RBFOX1: variants seen among roughly 807,000 people sequenced by gnomAD.
RBFOX1 encodes the protein RNA binding fox-1 homolog 1.
Under a neutral mutation model 57.7 loss-of-function variants are expected in RBFOX1, and 8 were observed. The observed-to-expected ratio is 0.14, with a 90% CI of 0.08 to 0.25. The LOEUF is 0.25. Among genes scored for constraint, RBFOX1 ranks in the 10% least tolerant of loss-of-function variants. RBFOX1 has a pLI of 1.00. For synonymous variants in RBFOX1, 326 were observed against 222.4 expected (o/e 1.47, Z -4.15); for missense variants, 611 against 548.5 (o/e 1.11, Z -1.14).
At chr16:5,240,230 C>A (rs1487256523) in intron 1 of RBFOX1, 37 of 727,464 alleles carry the variant, frequency 5.1e-5, no homozygotes, top group Non-Finnish European at 8.3e-5. Context: ...AGTGGCAACT[C>A]CGGCGGGCGC....
At chr16:6,586,490 G>C (rs2097621200) in intron 2 of RBFOX1, among the ~76,000 whole-genome samples, 2 of 152,248 alleles carry the variant, frequency 1.3e-5, no homozygotes, top group East Asian at 3.9e-4. Flanking sequence ...TGCCCAACTT[G>C]AATGGCCTTA....
chr16:5,297,111 G>T (rs933339390), intron 1 of RBFOX1, among the ~76,000 whole-genome samples: 2 of 152,142 alleles, frequency 1.3e-5, no homozygotes, highest in African/African-American at 4.8e-5. Flanking sequence ...CTTTTTAAAG[G>T]CTGAGTGGTA....
intron 4 of RBFOX1, among the ~76,000 whole-genome samples, chr16:7,191,461 G>C (rs932345306): frequency 6.6e-6 from 1 of 151,996 alleles, no homozygotes; most frequent in Non-Finnish European, 1.5e-5. Context: ...TTAATGAATT[G>C]ATCACAGTGG....
At chr16:5,763,615 C>T (rs1324586154) in intron 3 of RBFOX1, among the ~76,000 whole-genome samples, 3 of 152,226 alleles carry the variant, frequency 2.0e-5, no homozygotes, top group East Asian at 1.9e-4. Flanking sequence ...GGCAATCCGC[C>T]GGCCTCCTGA....
chr16:5,603,418 C>A (rs970495675), downstream of RBFOX1, among the ~76,000 whole-genome samples: 3 of 152,106 alleles, frequency 2.0e-5, no homozygotes, highest in Non-Finnish European at 4.4e-5. Flanking sequence ...AAATTCAGAC[C>A]CAGATTGGGC....
In RBFOX1 at chr16:5,632,299, C is replaced by T. The variant is rs116145417; in HGVS notation, c.318+33338C>T. Among the ~76,000 whole-genome samples, 894 of 152,326 alleles carry T rather than the reference C, an allele frequency of 5.9e-3. 10 individuals carry two copies. The highest frequency in any genetic ancestry group is 0.02 in the African/African-American group (830 of 41,578). Reference sequence around the variant, plus strand: ...ATGGGAGTTACACCTGCTGGGTTCCCAACCCACATCAATCTCTGTGTCCCT... The same window carrying T: ...ATGGGAGTTACACCTGCTGGGTTCCTAACCCACATCAATCTCTGTGTCCCT... On this transcript the variant is annotated intron_variant, in intron 3 of 19. Coordinates refer to the RBFOX1 transcript ENST00000641259.
At chr16:7,640,576 G>T (rs181625427) in intron 11 of RBFOX1, among the ~76,000 whole-genome samples, 3 of 152,304 alleles carry the variant, frequency 2.0e-5, no homozygotes, top group East Asian at 3.9e-4. Context: ...GTTGCCCTGG[G>T]ATTCCAATGC....
At chr16:6,304,840 A>G (rs929012716) in intron 1 of RBFOX1, among the ~76,000 whole-genome samples, 11 of 143,184 alleles carry the variant, frequency 7.7e-5, no homozygotes, top group Admixed American at 7.2e-4. Context: ...GCCACTGACT[A>G]TACTCCAGAC....
intron 3 of RBFOX1, among the ~76,000 whole-genome samples, chr16:6,730,525 ATCTG>A (rs1275620745): frequency 1.3e-5 from 2 of 152,120 alleles, no homozygotes; most frequent in African/African-American, 4.8e-5. Context: ...TGTCTACCTA[ATCTG>A]TCTATCAATC....
intron 3 of RBFOX1, among the ~76,000 whole-genome samples, chr16:5,758,309 CCT>C (rs1166963581): frequency 6.6e-6 from 1 of 152,280 alleles, no homozygotes; most frequent in African/African-American, 2.4e-5. Flanking sequence ...GCCATAGTTA[CCT>C]CTCGGCTCTA....
intron 3 of RBFOX1, among the ~76,000 whole-genome samples, chr16:5,650,454 G>C (rs1044920455): frequency 6.6e-6 from 1 of 152,138 alleles, no homozygotes; most frequent in Non-Finnish European, 1.5e-5. Flanking sequence ...CATTTTTAGA[G>C]ACAGAAATGG....
chr16:6,206,145 C>A lies in RBFOX1; in HGVS notation c.-126-110850C>A, dbSNP rs151297652. 3.3e-3 allele frequency among the ~76,000 whole-genome samples: 504 copies of A among 152,176 alleles called. 6 individuals are homozygous for A. Among genetic ancestry groups the A allele is most frequent in the Non-Finnish European group, 2.4e-3 (166 of 68,012 alleles). On this transcript the variant is annotated intron_variant, in intron 1 of 15. Transcript: ENST00000550418. ...GGTCAAATCTGACTCAGGAAGAAAA[C>A]TTCTTACTATGATTTGAGCCTCCTC...
intron 3 of RBFOX1, among the ~76,000 whole-genome samples, chr16:6,984,314 C>A (rs928703229): frequency 1.3e-5 from 2 of 152,090 alleles, no homozygotes; most frequent in African/African-American, 2.4e-5. Flanking sequence ...ATTTGACCAG[C>A]CCTTTGATCT....
At chr16:6,629,511 T>A (rs1280234192) in intron 2 of RBFOX1, among the ~76,000 whole-genome samples, 1 of 152,188 alleles carries the variant, frequency 6.6e-6, no homozygotes, top group Non-Finnish European at 1.5e-5. Context: ...AAAAAATGGG[T>A]TATACTTTCA....
At chr16:5,376,862 G>C (rs1467815996) in intron 1 of RBFOX1, among the ~76,000 whole-genome samples, 1 of 150,292 alleles carries the variant, frequency 6.7e-6, no homozygotes, top group African/African-American at 2.5e-5. Context: ...AGGGGGAGCA[G>C]GTTCTGCGTC....
At chr16:7,467,563 C>T (rs1323837798) in intron 4 of RBFOX1, among the ~76,000 whole-genome samples, 1 of 152,104 alleles carries the variant, frequency 6.6e-6, no homozygotes, top group African/African-American at 2.4e-5. Context: ...GGTTCAAATC[C>T]CAGCTCTGTC....
chr16:7,588,155 G>A (rs569918976), intron 7 of RBFOX1, among the ~76,000 whole-genome samples: 51 of 152,254 alleles, frequency 3.3e-4, no homozygotes, highest in African/African-American at 7.9e-4. Context: ...CCACAGCCTC[G>A]GTGAACAGAG....
intron 3 of RBFOX1, among the ~76,000 whole-genome samples, chr16:6,895,434 GTGTGTGTGTGTGTGTATATA>G (rs1291598639): frequency 4.4e-5 from 4 of 91,664 alleles, no homozygotes; most frequent in Admixed American, 2.5e-4. Context: ...GTGTGTGTGT[GTGTGTGTGTGTGTGTATATA>G]TATATATATA....
At chr16:5,713,840 T>C (rs1022727295) in intron 3 of RBFOX1, among the ~76,000 whole-genome samples, 22 of 152,106 alleles carry the variant, frequency 1.4e-4, no homozygotes, top group African/African-American at 5.1e-4. Flanking sequence ...GACAGTGAAG[T>C]ACAAAGACTC....
Sources: allele counts gnomAD v4.1 joint callset (sites outside exome capture counted in the v4.1 genomes callset), GRCh38; gene constraint gnomAD v4.1.1; transcripts MANE v1.5; gene names NCBI Gene and HGNC (gene_info 2026-07-23, HGNC 2026-07-21).